The following DNM3 variants were observed in gnomAD, a reference collection of about 807,000 sequenced individuals.
The protein encoded by DNM3 is dynamin 3.
DNM3 carries 47 observed loss-of-function variants against 101.6 expected under a neutral mutation model. The observed-to-expected ratio is 0.46, with a 90% CI of 0.37 to 0.59. DNM3 has a LOEUF of 0.59. DNM3 is among the 20% of genes least tolerant of loss of function. DNM3 has a pLI of 0.00. For missense variants in DNM3, 849 were observed against 1,085.7 expected (o/e 0.78, Z 3.06); for synonymous variants, 385 against 387.9 (o/e 0.99, Z 0.09).
chr1:172,408,842 A>G lies in DNM3; in HGVS notation c.*1001A>G. On this transcript the variant is annotated 3_prime_UTR_variant, in exon 21 of 21. Coordinates refer to ENST00000627582, the MANE Select transcript of DNM3 (RefSeq NM_015569.5). Reference sequence around the variant, plus strand: ...ACAGGCTCAGTGTAACTGTATATCCATTCTAGGCTTTCTTAATAAATCTTG... The same window carrying G: ...ACAGGCTCAGTGTAACTGTATATCCGTTCTAGGCTTTCTTAATAAATCTTG... 1.0e-6 allele frequency: 1 copy of G among 985,274 alleles called. No homozygotes were observed. Among genetic ancestry groups the G allele is most frequent in the Non-Finnish European group, 1.2e-6 (1 of 829,828 alleles). 61.0% of individuals were successfully genotyped at this position (985,274 alleles called of 1,614,324 possible). A position where few individuals can be genotyped will look rare whatever the true frequency, so the allele number is the denominator to read the frequency against.
intron 14 of DNM3, among the ~76,000 whole-genome samples, chr1:172,227,980 A>C (rs2061197050): frequency 1.3e-5 from 2 of 152,070 alleles, no homozygotes; most frequent in African/African-American, 4.8e-5. Flanking sequence ...ATTATCTGAG[A>C]ACTACTAATA....
chr1:172,194,038 C>G (rs2059847512), intron 14 of DNM3, among the ~76,000 whole-genome samples: 1 of 152,112 alleles, frequency 6.6e-6, no homozygotes. Flanking sequence ...TTAAATGTGT[C>G]CCAGAGATTC....
intron 6 of DNM3, among the ~76,000 whole-genome samples, chr1:172,035,467 C>T (rs2048888758): frequency 6.6e-6 from 1 of 151,932 alleles, no homozygotes; most frequent in Non-Finnish European, 1.5e-5. Context: ...TGAGGAATTT[C>T]AATAATTACT....
chr1:172,014,802 C>T (rs2047345215), intron 4 of DNM3, among the ~76,000 whole-genome samples: 1 of 151,268 alleles, frequency 6.6e-6, no homozygotes, highest in Non-Finnish European at 1.5e-5. Context: ...TAATAAAGTC[C>T]CCTTATTGAT....
chr1:171,950,243 G>A (rs1480036014), intron 2 of DNM3, among the ~76,000 whole-genome samples: 2 of 152,260 alleles, frequency 1.3e-5, no homozygotes, highest in South Asian at 2.1e-4. Context: ...TCTGCAGATG[G>A]TCTCCAACTT....
chr1:171,881,001 GT>G (rs1466826234), intron 1 of DNM3, among the ~76,000 whole-genome samples: 1 of 152,002 alleles, frequency 6.6e-6, no homozygotes, highest in Non-Finnish European at 1.5e-5. Flanking sequence ...ATTGGAAATT[GT>G]TTTTTGGTTG....
intron 2 of DNM3, among the ~76,000 whole-genome samples, chr1:171,960,021 G>A (rs1213942436): frequency 6.6e-6 from 1 of 152,090 alleles, no homozygotes; most frequent in Non-Finnish European, 1.5e-5. Context: ...CCTCAGTATA[G>A]GACTCTATTC....
chr1:172,050,575 G>T (rs909909807), intron 10 of DNM3, among the ~76,000 whole-genome samples: 5 of 152,178 alleles, frequency 3.3e-5, no homozygotes, highest in African/African-American at 1.2e-4. Context: ...AGCTACAAAA[G>T]CTCTGCTATT....
chr1:172,050,833 G>A (rs1020342781), intron 10 of DNM3, among the ~76,000 whole-genome samples: 8 of 152,078 alleles, frequency 5.3e-5, no homozygotes, highest in Non-Finnish European at 8.8e-5. Flanking sequence ...GCACATGTGT[G>A]GACATTTATG....
intron 15 of DNM3, among the ~76,000 whole-genome samples, 160 bp from the exon 16 acceptor site, chr1:172,308,567 AC>A (rs59581912): frequency 0.088 from 13,332 of 152,194 alleles, 745 homozygotes; most frequent in African/African-American, 0.15. Flanking sequence ...GTAGAAATTC[AC>A]TAATTATTTT....
chr1:171,957,416 A>G (rs1466652506), intron 2 of DNM3, among the ~76,000 whole-genome samples: 1 of 151,494 alleles, frequency 6.6e-6, no homozygotes, highest in Non-Finnish European at 1.5e-5. Flanking sequence ...GCTAGGATGG[A>G]CTCGATCTCC....
At chr1:172,122,954 G>A (rs896043286) in intron 13 of DNM3, among the ~76,000 whole-genome samples, 2 of 152,258 alleles carry the variant, frequency 1.3e-5, no homozygotes, top group Middle Eastern at 3.4e-3. Flanking sequence ...GAAATAATGT[G>A]TGTGAAGCTC....
At chr1:171,920,913 T>G (rs1372181267) in intron 1 of DNM3, among the ~76,000 whole-genome samples, 2 of 152,178 alleles carry the variant, frequency 1.3e-5, no homozygotes, top group Non-Finnish European at 2.9e-5. Flanking sequence ...TATTTCTACT[T>G]GATCCCACAT....
chr1:171,841,928 G>C, intron 1 of DNM3, 111 bp downstream of exon 1: 3 of 1,395,374 alleles, frequency 2.1e-6, no homozygotes, highest in Non-Finnish European at 2.9e-6. Flanking sequence ...CAGGCGCTGC[G>C]GTGGAATGGG....
chr1:172,248,874 G>C (rs1226004955), intron 14 of DNM3, among the ~76,000 whole-genome samples: 1 of 152,228 alleles, frequency 6.6e-6, no homozygotes, highest in South Asian at 2.1e-4. Flanking sequence ...AATATACACT[G>C]TAAGAATTTT....
chr1:171,892,671 G>A (rs2037395065), intron 1 of DNM3, among the ~76,000 whole-genome samples: 1 of 152,188 alleles, frequency 6.6e-6, no homozygotes, highest in African/African-American at 2.4e-5. Flanking sequence ...GGTATCCCCA[G>A]AGGCAAGAAC....
intron 15 of DNM3, among the ~76,000 whole-genome samples, chr1:172,262,004 C>G (rs1477011253): frequency 6.6e-6 from 1 of 152,182 alleles, no homozygotes; most frequent in African/African-American, 2.4e-5. Flanking sequence ...GACTTGCTCT[C>G]AGACCCCTCA....
chr1:172,180,163 T>C (rs1228183886), intron 14 of DNM3, among the ~76,000 whole-genome samples: 1 of 152,044 alleles, frequency 6.6e-6, no homozygotes, highest in Non-Finnish European at 1.5e-5. Flanking sequence ...CATGATTCAG[T>C]TAGGTCTCAA....
chr1:172,414,606 T>C (rs76599735), downstream of DNM3, among the ~76,000 whole-genome samples: 199 of 152,254 alleles, frequency 1.3e-3, 1 homozygote, highest in African/African-American at 4.6e-3. Context: ...GGAAAAGACA[T>C]TGAGTGTGAT....
Sources: allele counts gnomAD v4.1 joint callset (sites outside exome capture counted in the v4.1 genomes callset), GRCh38; gene constraint gnomAD v4.1.1; transcripts MANE v1.5; gene names NCBI Gene and HGNC (gene_info 2026-07-23, HGNC 2026-07-21).